LMNB1: variants seen among roughly 807,000 people sequenced by gnomAD.
LMNB1 encodes lamin B1, also known as lamin-B1.
A neutral mutation model predicts 67.1 loss-of-function variants in LMNB1; 23 were observed. The observed-to-expected ratio is 0.34, with a 90% CI of 0.25 to 0.49. LMNB1 has a LOEUF of 0.49. Among genes scored for constraint, LMNB1 ranks in the 20% least tolerant of loss-of-function variants. LMNB1 has a pLI of 0.99. For missense variants in LMNB1, 634 were observed against 746.5 expected (o/e 0.85, Z 1.76); for synonymous variants, 281 against 282.9 (o/e 0.99, Z 0.07).
chr5:126,800,953 A>ATG (rs1203753476), intron 1 of LMNB1, among the ~76,000 whole-genome samples: 4 of 47,448 alleles, frequency 8.4e-5, no homozygotes, highest in African/African-American at 3.4e-4. Flanking sequence ...CAGCCAGACT[A>ATG]TATATATATA....
chr5:126,787,275 G>A (rs1391562715), intron 1 of LMNB1, among the ~76,000 whole-genome samples: 1 of 151,900 alleles, frequency 6.6e-6, no homozygotes. Flanking sequence ...TAGGAGCCGT[G>A]TGAAATTTTG....
chr5:126,780,106 C>T (rs868305151), intron 1 of LMNB1, among the ~76,000 whole-genome samples: 1 of 151,992 alleles, frequency 6.6e-6, no homozygotes, highest in Non-Finnish European at 1.5e-5. Flanking sequence ...GCAGGAGAAT[C>T]GCTTGATATC....
intron 9 of LMNB1, among the ~76,000 whole-genome samples, chr5:126,831,913 T>A (rs1284962967): frequency 6.6e-6 from 1 of 152,156 alleles, no homozygotes; most frequent in Non-Finnish European, 1.5e-5. Flanking sequence ...TGCGGAAATT[T>A]CAGTTTAGTA....
intron 3 of LMNB1, among the ~76,000 whole-genome samples, chr5:126,806,752 G>A (rs1010533876): frequency 3.3e-5 from 5 of 151,956 alleles, no homozygotes; most frequent in Non-Finnish European, 7.4e-5. Context: ...CTGGAAATGC[G>A]GCTACTCACA....
chr5:126,811,676 C>T (rs768654053), intron 4 of LMNB1, 97 bp from the exon 5 acceptor site: 99 of 1,120,044 alleles, frequency 8.8e-5, no homozygotes, highest in Non-Finnish European at 1.1e-4. Context: ...TACCAGTTAC[C>T]AGCAGGACTT....
intron 9 of LMNB1, among the ~76,000 whole-genome samples, chr5:126,826,723 G>A (rs2973598): frequency 0.64 from 97,342 of 151,594 alleles, 31,276 homozygotes; most frequent in South Asian, 0.65. Context: ...CTAATAAAGC[G>A]GCTAAAGTGT....
At chr5:126,800,977 A>AATTTTTTT (rs1481273764) in intron 1 of LMNB1, among the ~76,000 whole-genome samples, 36 of 38,264 alleles carry the variant, frequency 9.4e-4, no homozygotes, top group Non-Finnish European at 1.6e-3. Flanking sequence ...ATATATATAT[A>AATTTTTTT]TATAATTTTT....
chr5:126,808,659 T>C (rs558018902), intron 3 of LMNB1, among the ~76,000 whole-genome samples: 2 of 152,174 alleles, frequency 1.3e-5, no homozygotes, highest in East Asian at 1.9e-4. Context: ...TTAGGTATTA[T>C]TTGCTTCATG....
rs550725063 is a variant in LMNB1, at chr5:126,810,690, A to G, written c.813+340A>G. Among the ~76,000 whole-genome samples the G allele has an allele frequency of 3.3e-5, 5 of 152,370 alleles. No individual in the cohort carries two copies. In the East Asian group the frequency reaches 5.8e-4, roughly 18 times the overall value. On this transcript the variant is annotated intron_variant, in intron 4 of 10. Coordinates refer to ENST00000261366, the MANE Select transcript of LMNB1 (RefSeq NM_005573.4). ...ACAAGTACTGATCATGCTGTCCTAC[A>G]TAAACATCCATTTAGTAATGAATGA...
intron 10 of LMNB1, among the ~76,000 whole-genome samples, chr5:126,834,908 G>A (rs1359545603): frequency 2.6e-5 from 4 of 152,094 alleles, no homozygotes; most frequent in Admixed American, 2.6e-4. Context: ...AACTATATCC[G>A]CTCATCCAGT....
Position 126,819,006 on chromosome 5 carries a change from A to G in LMNB1, c.1024A>G (p.Lys342Glu). The G allele has an allele frequency of 6.2e-7, 1 of 1,614,170 alleles. No homozygotes were observed. Among genetic ancestry groups the G allele is most frequent in the Non-Finnish European group, 8.5e-7 (1 of 1,179,990 alleles). ...KDNSRRMLTDKEREMAEIRDQ... is the reference protein window; with the variant it reads ...KDNSRRMLTDEEREMAEIRDQ... ...CAACTCTCGTCGCATGCTGACAGACAAAGAGAGAGAGATGGCGGAAATAAG... is the reference window on the plus strand; with the variant it reads ...CAACTCTCGTCGCATGCTGACAGACGAAGAGAGAGAGATGGCGGAAATAAG... Residue 342 changes from lysine to glutamate, a missense_variant, in exon 6 of 11, where the codon AAA becomes GAA. Transcript: ENST00000261366.
chr5:126,801,399 C>A (rs1751284026), intron 1 of LMNB1, among the ~76,000 whole-genome samples: 1 of 152,090 alleles, frequency 6.6e-6, no homozygotes, highest in Non-Finnish European at 1.5e-5. Flanking sequence ...TTGGGTGGCC[C>A]TCAGGGTACC....
rs370047429 is a variant in LMNB1 at position 126,836,267 on chromosome 5, T to A, written c.*3T>A. 106 of 1,604,894 alleles carry A rather than the reference T, an allele frequency of 6.6e-5. No individual in the cohort carries two copies. Among genetic ancestry groups the A allele is most frequent in the Non-Finnish European group, 8.5e-5 (100 of 1,171,872 alleles). On this transcript the variant is annotated 3_prime_UTR_variant, in exon 11 of 11. Transcript: ENST00000261366. ...ATAGAAGCTGTGCAATTATGTAAAA[T>A]TTTCAACTGTCTTCCTCAAAATAAA...
Position 126,805,560 on chromosome 5 carries a change from C to G in LMNB1, c.517-11C>G, listed in dbSNP as rs756624833. The G allele has an allele frequency of 1.3e-6, 2 of 1,571,570 alleles. No homozygotes were observed. Among genetic ancestry groups the G allele is most frequent in the Admixed American group, 3.6e-5 (2 of 56,316 alleles). On this transcript the variant is annotated splice_polypyrimidine_tract_variant and intron_variant, in intron 2 of 10. Coordinates refer to ENST00000261366, the MANE Select transcript of LMNB1 (RefSeq NM_005573.4). ...TGTAATTTTTATCACAATTCTTTTT[C>G]CTTGTAATAGTTGGAAGCCTCCTTA...
chr5:126,818,239 C>CTTT (rs376846973), intron 5 of LMNB1, among the ~76,000 whole-genome samples: 17 of 134,170 alleles, frequency 1.3e-4, no homozygotes, highest in African/African-American at 2.5e-4. Flanking sequence ...GTGTTTATAT[C>CTTT]TTTTTTTTTT....
chr5:126,780,813 CT>C (rs575712128), intron 1 of LMNB1, among the ~76,000 whole-genome samples: 2 of 152,184 alleles, frequency 1.3e-5, no homozygotes, highest in East Asian at 1.9e-4. Flanking sequence ...TGAATTAGGA[CT>C]TTTTTTATAT....
intron 6 of LMNB1, among the ~76,000 whole-genome samples, chr5:126,819,934 C>A (rs1403466109): frequency 6.6e-6 from 1 of 152,130 alleles, no homozygotes; most frequent in Non-Finnish European, 1.5e-5. Flanking sequence ...CACATGAGGT[C>A]AGGAGTTCAA....
Position 126,836,445 on chromosome 5 carries a change from A to G in LMNB1, c.*181A>G, listed in dbSNP as rs1363359079. 5.7e-6 allele frequency: 3 copies of G among 523,902 alleles called. No individual in the cohort carries two copies. Among genetic ancestry groups the G allele is most frequent in the African/African-American group, 1.9e-5 (1 of 51,870 alleles). 32.5% of individuals were successfully genotyped at this position (523,902 alleles called of 1,614,324 possible). A position where few individuals can be genotyped will look rare whatever the true frequency, so the allele number is the denominator to read the frequency against. On this transcript the variant is annotated 3_prime_UTR_variant, in exon 11 of 11. Transcript: ENST00000261366. ...AAGTTTTGTAAAAGAAATCATGTCC[A>G]TACACTTTGTTGCAAGATGTGAATT...
At chr5:126,800,290 C>A (rs1016404713) in intron 1 of LMNB1, among the ~76,000 whole-genome samples, 4 of 152,070 alleles carry the variant, frequency 2.6e-5, no homozygotes, top group Non-Finnish European at 5.9e-5. Context: ...AATGATGCAC[C>A]AAGTGCTGTG....
Sources: allele counts gnomAD v4.1 joint callset (sites outside exome capture counted in the v4.1 genomes callset), GRCh38; gene constraint gnomAD v4.1.1; transcripts MANE v1.5; gene names NCBI Gene and HGNC (gene_info 2026-07-23, HGNC 2026-07-21).